BPNT1: variants seen among roughly 807,000 people sequenced by gnomAD.
BPNT1 encodes the protein 3'(2'), 5'-bisphosphate nucleotidase 1, also known as 3'(2'),5'-bisphosphate nucleotidase 1.
In BPNT1, 28 loss-of-function variants were observed where a neutral mutation model predicts 36.9. The observed-to-expected ratio is 0.76, with a 90% CI of 0.56 to 1.04. The LOEUF (loss-of-function observed/expected upper bound fraction) is 1.04. BPNT1 is among the 50% of genes least tolerant of loss of function. BPNT1 has a pLI of 0.00. For missense variants in BPNT1, 313 were observed against 372.9 expected (o/e 0.84, Z 1.32); for synonymous variants, 119 against 130.9 (o/e 0.91, Z 0.62).
chr1:220,068,927 G>C (rs968816148), intron 5 of BPNT1, among the ~76,000 whole-genome samples: 2 of 152,128 alleles, frequency 1.3e-5, no homozygotes, highest in Non-Finnish European at 2.9e-5. Flanking sequence ...GAGAAATATT[G>C]TACTGTGTTT....
chr1:220,078,382 GAATT>G (rs1664763862), intron 2 of BPNT1, among the ~76,000 whole-genome samples: 1 of 137,434 alleles, frequency 7.3e-6, no homozygotes, highest in Non-Finnish European at 1.5e-5. Context: ...TAATTATATA[GAATT>G]ATTATAATTA....
chr1:220,085,142 T>C (rs187240364), intron 1 of BPNT1, among the ~76,000 whole-genome samples: 1 of 152,270 alleles, frequency 6.6e-6, no homozygotes, highest in Admixed American at 6.5e-5. Flanking sequence ...AGGTCCCTTT[T>C]AGCCTTTTTC....
intron 7 of BPNT1, among the ~76,000 whole-genome samples, chr1:220,060,676 T>TA: frequency 6.6e-6 from 1 of 152,124 alleles, no homozygotes; most frequent in Non-Finnish European, 1.5e-5. Flanking sequence ...CTTTTTTTTT[T>TA]AAAAATATTT....
chr1:220,075,017 G>C (rs1411577382), intron 2 of BPNT1, among the ~76,000 whole-genome samples: 4 of 152,106 alleles, frequency 2.6e-5, no homozygotes, highest in African/African-American at 9.7e-5. Context: ...TAGATTTACA[G>C]ATTATATCAT....
At chr1:220,074,373 T>C (rs1342077567) in intron 2 of BPNT1, among the ~76,000 whole-genome samples, 1 of 152,236 alleles carries the variant, frequency 6.6e-6, no homozygotes, top group African/African-American at 2.4e-5. Context: ...GTATAACTTT[T>C]CAAGGCAAAG....
chr1:220,066,106 T>G, intron 6 of BPNT1: 2 of 1,517,320 alleles, frequency 1.3e-6, no homozygotes, highest in Non-Finnish European at 8.8e-7. Context: ...TTAACTGCTG[T>G]TTTTCATTGT....
intron 6 of BPNT1, chr1:220,066,185 C>G: frequency 8.4e-7 from 1 of 1,196,840 alleles, no homozygotes; most frequent in Non-Finnish European, 1.1e-6. Context: ...CTCCTAAGCA[C>G]TTAGATTTTT....
At chr1:220,077,498 T>C (rs1047568356) in intron 2 of BPNT1, among the ~76,000 whole-genome samples, 3 of 152,058 alleles carry the variant, frequency 2.0e-5, no homozygotes, top group Admixed American at 6.6e-5. Flanking sequence ...ACTCCTGGGC[T>C]CAAGCAATTA....
intron 5 of BPNT1, among the ~76,000 whole-genome samples, 191 bp downstream of exon 5, chr1:220,069,193 G>A (rs1663818868): frequency 6.6e-6 from 1 of 152,156 alleles, no homozygotes; most frequent in South Asian, 2.1e-4. Flanking sequence ...GGTATTTGAA[G>A]GAGATGAATT....
intron 4 of BPNT1, among the ~76,000 whole-genome samples, chr1:220,071,157 G>T (rs537910531): frequency 6.6e-6 from 1 of 151,908 alleles, no homozygotes; most frequent in Non-Finnish European, 1.5e-5. Context: ...ACCATGCCCA[G>T]CCCCACCATG....
chr1:220,089,101 GAA>G (rs764942826), intron 1 of BPNT1, among the ~76,000 whole-genome samples: 4,762 of 37,894 alleles, frequency 0.13, 31 homozygotes, highest in South Asian at 0.21. Context: ...ACTCCGTCTC[GAA>G]AAAAAAAAAA....
chr1:220,057,660 TA>T lies in BPNT1; in HGVS notation c.*1183del. On this transcript the variant is annotated 3_prime_UTR_variant, in exon 9 of 9. Coordinates refer to ENST00000322067, the MANE Select transcript of BPNT1 (RefSeq NM_006085.6). The stretch of plus-strand genomic sequence containing the variant: ...TTATAATGATGCCACAAGAATAAAC[TA>T]ATCCCCAAAGTCGAGAATGTATAAT... 2.7e-6 allele frequency: 1 copy of T among 369,276 alleles called. No homozygotes were observed. The allele number at this position is 369,276 out of a possible 1,614,324, so 22.9% of individuals were successfully genotyped here. A position where few individuals can be genotyped will look rare whatever the true frequency, so the allele number is the denominator to read the frequency against.
In BPNT1 at chr1:220,079,759, T is replaced by C. The variant is rs1664932103; in HGVS notation, c.88A>G (p.Ile30Val). Residue 30 changes from isoleucine to valine, a missense_variant, in exon 2 of 9, where the codon ATT (isoleucine) becomes GTT (valine). By Grantham distance (29) the Ile-to-Val change is conservative. Transcript: ENST00000322067. ...ACAATACCCAGGTCTCCTTCAGCAATAACACGTCTGACTATCATTCCTGCC... is the reference window on the plus strand; with the variant it reads ...ACAATACCCAGGTCTCCTTCAGCAACAACACGTCTGACTATCATTCCTGCC... ...QKAGMIVRRV[I>V]AEGDLGIVEK... is the part of the protein sequence containing the mutation. 1 of 1,614,046 alleles carries C rather than the reference T, an allele frequency of 6.2e-7. No individual in the cohort carries two copies. The highest frequency in any genetic ancestry group is 2.2e-5 in the East Asian group (1 of 44,884).
In BPNT1 at chr1:220,058,713, G is replaced by A; in HGVS notation, c.*131C>T. Reference sequence around the variant, plus strand: ...TGCCCAGTTAATTTGTATTTTTGTAGAGATGGGGTCTCACGATATTGCCCA... The same window carrying A: ...TGCCCAGTTAATTTGTATTTTTGTAAAGATGGGGTCTCACGATATTGCCCA... On this transcript the variant is annotated 3_prime_UTR_variant, in exon 9 of 9. Coordinates refer to ENST00000322067, the MANE Select transcript of BPNT1 (RefSeq NM_006085.6). 1 of 919,292 alleles carries A rather than the reference G, an allele frequency of 1.1e-6. No homozygotes were observed. The highest frequency in any genetic ancestry group is 2.5e-5 in the Admixed American group (1 of 40,440). 56.9% of individuals were successfully genotyped at this position (919,292 alleles called of 1,614,324 possible). A position where few individuals can be genotyped will look rare whatever the true frequency, so the allele number is the denominator to read the frequency against.
At chr1:220,062,249 C>T (rs1209427729) in intron 7 of BPNT1, among the ~76,000 whole-genome samples, 1 of 150,020 alleles carries the variant, frequency 6.7e-6, no homozygotes, top group Non-Finnish European at 1.5e-5. Flanking sequence ...CCCATTAACT[C>T]GTCATCTAGC....
At chr1:220,071,835 G>A (rs1664087796) in intron 4 of BPNT1, among the ~76,000 whole-genome samples, 1 of 151,974 alleles carries the variant, frequency 6.6e-6, no homozygotes, top group Non-Finnish European at 1.5e-5. Context: ...TTACAGGCAT[G>A]TGCCACCACG....
chr1:220,061,565 A>G (rs1663042347), intron 7 of BPNT1, among the ~76,000 whole-genome samples: 1 of 151,402 alleles, frequency 6.6e-6, no homozygotes, highest in Non-Finnish European at 1.5e-5. Flanking sequence ...AACTATTCAG[A>G]AGATACATAA....
rs1258897727 is a variant in BPNT1 at position 220,072,830 on chromosome 1, A to G, written c.333+20T>C. On this transcript the variant is annotated intron_variant, in intron 4 of 8. Transcript: ENST00000322067. ...AAAAGCCCAGGTTAATAGAGAGTTG[A>G]GTATAAATATGGGTCATACATCTTC... The G allele has an allele frequency of 1.9e-6, 3 of 1,575,216 alleles. No individual in the cohort carries two copies. The highest frequency in any genetic ancestry group is 1.7e-6 in the Non-Finnish European group (2 of 1,144,904).
chr1:220,058,817 C>T lies in BPNT1; in HGVS notation c.*27G>A. 1 of 1,610,712 alleles carries T rather than the reference C, an allele frequency of 6.2e-7. No homozygotes were observed. The highest frequency in any genetic ancestry group is 8.5e-7 in the Non-Finnish European group (1 of 1,177,616). On this transcript the variant is annotated 3_prime_UTR_variant, in exon 9 of 9. Coordinates refer to ENST00000322067, the MANE Select transcript of BPNT1 (RefSeq NM_006085.6). ...GTGCTGGGATTACAGGCATGAGCCA[C>T]CGCGCCCGGCCAAATGAAACTTTCC...
Sources: allele counts gnomAD v4.1 joint callset (sites outside exome capture counted in the v4.1 genomes callset), GRCh38; gene constraint gnomAD v4.1.1; transcripts MANE v1.5; gene names NCBI Gene and HGNC (gene_info 2026-07-23, HGNC 2026-07-21).